DCDC1: variants seen among roughly 807,000 people sequenced by gnomAD.
DCDC1 encodes the protein doublecortin domain containing 1, also known as doublecortin domain-containing protein 1.
DCDC1 carries 200 observed loss-of-function variants against 178.3 expected under a neutral mutation model. That is an observed-to-expected ratio of 1.12 (90% CI 1.00 to 1.26). The LOEUF (loss-of-function observed/expected upper bound fraction) is 1.26, where lower values mean the gene tolerates loss of function less well. DCDC1 is among the 50% of genes most tolerant of loss of function. The pLI is 0.00. For synonymous variants in DCDC1, 690 were observed against 604.8 expected (o/e 1.14, Z -2.07); for missense variants, 1,983 against 1,749.2 (o/e 1.13, Z -2.38).
intron 9 of DCDC1, among the ~76,000 whole-genome samples, chr11:31,143,530 G>C (rs1471455818): frequency 2.6e-5 from 4 of 152,094 alleles, no homozygotes; most frequent in Non-Finnish European, 5.9e-5. Flanking sequence ...ATCTATTTTT[G>C]AACTTAAATA....
At chr11:31,342,261 C>T (rs550376899) in intron 1 of DCDC1, among the ~76,000 whole-genome samples, 10 of 152,322 alleles carry the variant, frequency 6.6e-5, no homozygotes, top group South Asian at 2.1e-4. Context: ...CTAACTTACA[C>T]GCACAAACAT....
rs1160098223 is a variant in DCDC1, at chr11:30,932,881, G to A, written c.2716-929C>T. On this transcript the variant is annotated intron_variant, in intron 21 of 38. Coordinates refer to ENST00000684477, the MANE Select transcript of DCDC1 (RefSeq NM_001387274.1). ...CCAAGTTCACAGTTTGGGTAACTGG[G>A]TGGATGGTATTGCTGTTCACAGAGA... Among the ~76,000 whole-genome samples the A allele has an allele frequency of 1.3e-5, 2 of 152,316 alleles. 1 individual carries two copies. Among genetic ancestry groups the A allele is most frequent in the South Asian group, 4.2e-4 (2 of 4,818 alleles).
intron 2 of DCDC1, among the ~76,000 whole-genome samples, chr11:31,333,785 G>A (rs1244015951): frequency 2.0e-5 from 3 of 152,124 alleles, no homozygotes; most frequent in Non-Finnish European, 2.9e-5. Context: ...TGGGTAACCC[G>A]ACCTTTCTCT....
At chr11:31,169,886 G>T (rs530362410) in intron 9 of DCDC1, among the ~76,000 whole-genome samples, 1 of 152,200 alleles carries the variant, frequency 6.6e-6, no homozygotes, top group Admixed American at 6.5e-5. Flanking sequence ...AAAGATTTTG[G>T]GGGTAAGGAG....
intron 36 of DCDC1, chr11:30,883,399 C>CAAGAA: frequency 2.5e-6 from 1 of 397,024 alleles, no homozygotes; most frequent in Non-Finnish European, 5.1e-6. Flanking sequence ...TAAACCTATA[C>CAAGAA]ATTATTGGTG....
At chr11:30,945,887 G>C (rs1948014470) in intron 21 of DCDC1, among the ~76,000 whole-genome samples, 1 of 152,066 alleles carries the variant, frequency 6.6e-6, no homozygotes, top group Non-Finnish European at 1.5e-5. Flanking sequence ...CATTAGGTGG[G>C]TGGGAAGCTT....
intron 2 of DCDC1, among the ~76,000 whole-genome samples, chr11:31,329,922 G>C (rs930630600): frequency 2.0e-5 from 3 of 152,112 alleles, no homozygotes; most frequent in Non-Finnish European, 2.9e-5. Context: ...CCCAGTAATG[G>C]GATGGCTGGG....
chr11:31,225,206 T>C (rs1366961945), intron 9 of DCDC1, among the ~76,000 whole-genome samples: 1 of 152,124 alleles, frequency 6.6e-6, no homozygotes, highest in South Asian at 2.1e-4. Flanking sequence ...TAATGGCCTT[T>C]GCAGCAACTT....
intron 20 of DCDC1, among the ~76,000 whole-genome samples, chr11:31,046,894 A>G (rs938536053): frequency 1.3e-5 from 2 of 152,158 alleles, no homozygotes; most frequent in Admixed American, 1.3e-4. Flanking sequence ...TAGGGGAGCC[A>G]TCATTTTATA....
intron 8 of DCDC1, among the ~76,000 whole-genome samples, chr11:31,258,384 G>T (rs1315840802): frequency 6.6e-6 from 1 of 152,108 alleles, no homozygotes; most frequent in Admixed American, 6.6e-5. Context: ...ATATCTAGAG[G>T]CATATGTTAG....
At chr11:31,140,844 C>T (rs1452252895) in intron 9 of DCDC1, among the ~76,000 whole-genome samples, 4 of 152,182 alleles carry the variant, frequency 2.6e-5, no homozygotes. Context: ...CAAACTATAT[C>T]AGTTTACTTA....
chr11:31,292,249 A>G (rs1947287440), intron 6 of DCDC1, among the ~76,000 whole-genome samples: 1 of 152,292 alleles, frequency 6.6e-6, no homozygotes, highest in East Asian at 1.9e-4. Flanking sequence ...ATAAGCTATA[A>G]GTTAATGAGT....
At chr11:31,016,070 C>T (rs1205215303) in intron 20 of DCDC1, among the ~76,000 whole-genome samples, 1 of 152,122 alleles carries the variant, frequency 6.6e-6, no homozygotes, top group Admixed American at 6.5e-5. Flanking sequence ...GGGGTTGGGT[C>T]CCATCTGTGT....
chr11:30,916,103 A>T (rs1346029389), intron 26 of DCDC1, among the ~76,000 whole-genome samples: 14 of 152,206 alleles, frequency 9.2e-5, no homozygotes, highest in Non-Finnish European at 1.5e-5. Flanking sequence ...TCAAACTATG[A>T]TTGTTTCTTT....
At chr11:30,899,391 G>T in intron 34 of DCDC1, 150 bp downstream of exon 34, 2 of 462,066 alleles carry the variant, frequency 4.3e-6, no homozygotes, top group Non-Finnish European at 7.2e-6. Context: ...TTTAGACTTT[G>T]CTCAAATGAT....
chr11:30,868,056 C>T (rs190282107), intron 38 of DCDC1, among the ~76,000 whole-genome samples: 1 of 151,886 alleles, frequency 6.6e-6, no homozygotes, highest in Non-Finnish European at 1.5e-5. Flanking sequence ...CAGAATAGAT[C>T]CAAAGATATG....
intron 1 of DCDC1, among the ~76,000 whole-genome samples, chr11:31,336,426 G>T (rs1311326750): frequency 6.6e-6 from 1 of 152,234 alleles, no homozygotes; most frequent in African/African-American, 2.4e-5. Flanking sequence ...GATGAGGTTA[G>T]AAAGGGTATG....
intron 7 of DCDC1, among the ~76,000 whole-genome samples, chr11:31,265,932 T>G (rs1945132150): frequency 6.7e-6 from 1 of 149,392 alleles, no homozygotes; most frequent in South Asian, 2.1e-4. Flanking sequence ...ATATCTATTA[T>G]TTAATATCTA....
intron 28 of DCDC1, among the ~76,000 whole-genome samples, 198 bp downstream of exon 28, chr11:30,911,129 A>G (rs1314996453): frequency 6.6e-6 from 1 of 152,154 alleles, no homozygotes; most frequent in Admixed American, 6.5e-5. Context: ...CACAATCACC[A>G]TCTGTTGGAT....
Sources: allele counts gnomAD v4.1 joint callset (sites outside exome capture counted in the v4.1 genomes callset), GRCh38; gene constraint gnomAD v4.1.1; transcripts MANE v1.5; gene names NCBI Gene and HGNC (gene_info 2026-07-23, HGNC 2026-07-21).